DYNC1I1: variants seen among roughly 807,000 people sequenced by gnomAD.
DYNC1I1 encodes the protein dynein cytoplasmic 1 intermediate chain 1.
In DYNC1I1, 43 loss-of-function variants were observed where a neutral mutation model predicts 86.6. That is an observed-to-expected ratio of 0.50 (90% confidence interval 0.39 to 0.64). The LOEUF is 0.64. Among genes scored for constraint, DYNC1I1 ranks in the 30% least tolerant of loss-of-function variants. DYNC1I1 has a pLI of 0.00. For missense variants in DYNC1I1, 604 were observed against 788.8 expected (o/e 0.77, Z 2.81); for synonymous variants, 262 against 283.7 (o/e 0.92, Z 0.77).
intron 4 of DYNC1I1, among the ~76,000 whole-genome samples, chr7:95,822,005 C>T (rs1795086261): frequency 6.6e-6 from 1 of 152,116 alleles, no homozygotes; most frequent in African/African-American, 2.4e-5. Context: ...AGGTTTTCTG[C>T]TCTGAGGTCT....
At chr7:95,848,811 C>T (rs955320486) in intron 5 of DYNC1I1, among the ~76,000 whole-genome samples, 8 of 151,992 alleles carry the variant, frequency 5.3e-5, no homozygotes, top group African/African-American at 1.4e-4. Flanking sequence ...ATACTGTTTG[C>T]CATAATGGCT....
chr7:96,059,601 A>G (rs918985368), intron 14 of DYNC1I1, among the ~76,000 whole-genome samples: 4 of 152,184 alleles, frequency 2.6e-5, no homozygotes, highest in Non-Finnish European at 4.4e-5. Flanking sequence ...GATAGGAATG[A>G]ATGTTGCAAA....
At chr7:96,063,857 C>T (rs956616808) in intron 14 of DYNC1I1, among the ~76,000 whole-genome samples, 3 of 152,250 alleles carry the variant, frequency 2.0e-5, no homozygotes, top group Non-Finnish European at 2.9e-5. Flanking sequence ...AAAGAGTTAA[C>T]CATAAGGCCT....
intron 6 of DYNC1I1, among the ~76,000 whole-genome samples, chr7:95,969,731 T>C (rs899169785): frequency 6.6e-5 from 10 of 152,184 alleles, no homozygotes; most frequent in African/African-American, 2.4e-4. Context: ...TCCTCCCATT[T>C]GCAATGCCTT....
At chr7:96,017,731 T>TAAA (rs1794437671) in intron 10 of DYNC1I1, among the ~76,000 whole-genome samples, 1 of 152,198 alleles carries the variant, frequency 6.6e-6, no homozygotes, top group Admixed American at 6.5e-5. Context: ...TTCATAATAA[T>TAAA]AAATAATAAT....
chr7:96,067,140 AAGTT>A (rs1419850574), intron 14 of DYNC1I1, among the ~76,000 whole-genome samples: 10 of 152,276 alleles, frequency 6.6e-5, no homozygotes, highest in African/African-American at 2.2e-4. Flanking sequence ...TAAAAATAAA[AAGTT>A]GAAGTTTTAG....
chr7:96,028,264 T>A lies in DYNC1I1; in HGVS notation c.1059T>A (p.Asn353Lys). The change falls in exon 11 of 17, where the codon AAT (asparagine) becomes AAA (lysine). Residue 353 changes from asparagine to lysine, a missense_variant. Physicochemically the swap from Asn to Lys is moderately conservative, Grantham distance 94. Transcript: ENST00000447467. The part of the protein sequence containing the change: ...TYSGQIVLWD[N>K]RSHRRTPVQR... The stretch of plus-strand genomic sequence containing the variant: ...CGGGCCAGATTGTCCTCTGGGACAA[T>A]CGCAGTCATCGAAGGACTCCAGTGC... 6.2e-7 allele frequency: 1 copy of A among 1,613,810 alleles called. No homozygotes were observed. Among genetic ancestry groups the A allele is most frequent in the South Asian group, 1.1e-5 (1 of 91,054 alleles).
chr7:95,886,482 C>CAA (rs202012017), intron 6 of DYNC1I1, among the ~76,000 whole-genome samples: 5 of 149,622 alleles, frequency 3.3e-5, no homozygotes, highest in African/African-American at 1.2e-4. Context: ...CCATACTCAC[C>CAA]AAAAGAAAAA....
Position 96,070,898 on chromosome 7 carries a change from T to A in DYNC1I1, c.1510-5159T>A, listed in dbSNP as rs569743400. Among the ~76,000 whole-genome samples the A allele has an allele frequency of 2.0e-5, 3 of 152,296 alleles. No homozygotes were observed. In the East Asian group the frequency reaches 5.8e-4, roughly 29 times the overall value. ...AAATAGAAACTCACCTCTTGTGAAATCATTTTGTTTACTTGATCAGGAAAA... is the reference window on the plus strand; with the variant it reads ...AAATAGAAACTCACCTCTTGTGAAAACATTTTGTTTACTTGATCAGGAAAA... On this transcript the variant is annotated intron_variant, in intron 14 of 16. Transcript: ENST00000447467.
At chr7:95,862,603 G>C (rs573895887) in intron 5 of DYNC1I1, among the ~76,000 whole-genome samples, 1 of 152,310 alleles carries the variant, frequency 6.6e-6, no homozygotes, top group South Asian at 2.1e-4. Flanking sequence ...CTGCTAGTGG[G>C]AATGTAAAAT....
In DYNC1I1 at chr7:95,901,637, C is replaced by T. The variant is rs552926011; in HGVS notation, c.490+31639C>T. ...CCCAAATTCTCCTTTTAATGTGAAA[C>T]TTGCTTTAATTGACCAAAAATGCCA... On this transcript the variant is annotated intron_variant, in intron 6 of 16. Transcript: ENST00000447467. Among the ~76,000 whole-genome samples the T allele has an allele frequency of 2.0e-5, 3 of 152,258 alleles. No homozygotes were observed. In the East Asian group the frequency reaches 5.8e-4, roughly 29 times the overall value.
rs1021565440 is a variant in DYNC1I1, at chr7:95,816,372, G to A, written c.314+3035G>A. ...TTGAGAAAATTTTAAAAAATGGGTA[G>A]AGAGTAGAAATATGTAAGTTTTCAG... On this transcript the variant is annotated intron_variant, in intron 4 of 16. Coordinates refer to ENST00000447467, the MANE Select transcript of DYNC1I1 (RefSeq NM_001135556.2). Among the ~76,000 whole-genome samples the A allele has an allele frequency of 2.0e-5, 3 of 152,172 alleles. No homozygotes were observed. The East Asian group carries it at 5.8e-4, about 29-fold the overall frequency.
intron 1 of DYNC1I1, among the ~76,000 whole-genome samples, chr7:95,785,775 G>GTGTGTGTATATA (rs1317168531): frequency 1.6e-5 from 2 of 124,898 alleles, no homozygotes; most frequent in Non-Finnish European, 3.5e-5. Context: ...GTGTGTATGT[G>GTGTGTGTATATA]TATATATATA....
chr7:95,806,974 T>C (rs1274599937), intron 2 of DYNC1I1, among the ~76,000 whole-genome samples: 1 of 152,128 alleles, frequency 6.6e-6, no homozygotes, highest in Non-Finnish European at 1.5e-5. Context: ...TGAGTGGGTA[T>C]GGGTCCTCTC....
chr7:95,939,273 G>T (rs1279810374), intron 6 of DYNC1I1, among the ~76,000 whole-genome samples: 1 of 152,174 alleles, frequency 6.6e-6, no homozygotes, highest in Non-Finnish European at 1.5e-5. Context: ...TGTATATTCT[G>T]TTGATTTGGG....
intron 10 of DYNC1I1, among the ~76,000 whole-genome samples, chr7:96,008,992 ATAT>A (rs1179184923): frequency 1.3e-5 from 2 of 152,174 alleles, no homozygotes. Flanking sequence ...AGATGGCAAA[ATAT>A]TATGTTGCTT....
intron 6 of DYNC1I1, among the ~76,000 whole-genome samples, chr7:95,914,075 G>A (rs900709762): frequency 1.3e-5 from 2 of 152,188 alleles, no homozygotes; most frequent in African/African-American, 4.8e-5. Flanking sequence ...GCAGGGACTG[G>A]GTTGATAGGT....
chr7:95,922,248 CCTT>C (rs889207066), intron 6 of DYNC1I1, among the ~76,000 whole-genome samples: 4 of 151,972 alleles, frequency 2.6e-5, no homozygotes, highest in Non-Finnish European at 5.9e-5. Context: ...AATTCAAAAA[CCTT>C]CTGAAACATG....
chr7:95,993,758 A>T (rs1213390165), intron 9 of DYNC1I1, among the ~76,000 whole-genome samples: 1 of 152,148 alleles, frequency 6.6e-6, no homozygotes, highest in Non-Finnish European at 1.5e-5. Flanking sequence ...TAAGACTTAG[A>T]TGTAGTTATT....
Sources: gnomAD v4.1 joint callset for allele counts (sites outside exome capture counted in the v4.1 genomes callset) on GRCh38, gnomAD v4.1.1 for gene constraint, MANE v1.5 for transcripts, NCBI Gene and HGNC (gene_info 2026-07-23, HGNC 2026-07-21) for gene names.